Variants in FMNL2 observed in about 807,000 individuals in gnomAD.
FMNL2 encodes formin like 2, also known as formin-like protein 2.
A neutral mutation model predicts 130.2 loss-of-function variants in FMNL2; 51 were observed. The observed-to-expected ratio is 0.39, with a 90% CI of 0.31 to 0.49. The LOEUF (loss-of-function observed/expected upper bound fraction) is 0.49, where lower values mean the gene tolerates loss of function less well. FMNL2 is among the 20% of genes least tolerant of loss of function. The pLI, the probability that FMNL2 is intolerant of heterozygous loss-of-function variation, is 0.85. For missense variants in FMNL2, 977 were observed against 1,316.2 expected, an observed-to-expected ratio of 0.74 and a Z score of 3.99; for synonymous variants, 465 against 467.1, an observed-to-expected ratio of 1.00 and a Z score of 0.06.
intron 1 of FMNL2, among the ~76,000 whole-genome samples, chr2:152,357,327 T>C (rs375823708): frequency 9.8e-6 from 1 of 101,960 alleles, no homozygotes; most frequent in African/African-American, 3.9e-5. Flanking sequence ...TCACGATAAA[T>C]ATTAAATCAG....
At chr2:152,569,942 CAG>C (rs1397922193) in intron 6 of FMNL2, among the ~76,000 whole-genome samples, 4 of 150,546 alleles carry the variant, frequency 2.7e-5, no homozygotes, top group Admixed American at 1.3e-4. Context: ...ACCCACGAGA[CAG>C]AGGTTGCAGT....
chr2:152,452,419 A>AG (rs1342404174), intron 1 of FMNL2, among the ~76,000 whole-genome samples: 2 of 152,188 alleles, frequency 1.3e-5, no homozygotes, highest in East Asian at 3.8e-4. Context: ...CGCCATTGGA[A>AG]GTCTAGTCAG....
At chr2:152,474,882 G>T (rs1690062658) in intron 1 of FMNL2, among the ~76,000 whole-genome samples, 1 of 152,162 alleles carries the variant, frequency 6.6e-6, no homozygotes, top group Non-Finnish European at 1.5e-5. Context: ...GCCGTTTAAA[G>T]GCATAATGTT....
chr2:152,444,057 G>A lies in FMNL2; in HGVS notation c.118-77886G>A, dbSNP rs187718468. Among the ~76,000 whole-genome samples the A allele has an allele frequency of 2.2e-3, 337 of 152,280 alleles. 5 individuals carry two copies. The highest frequency in any genetic ancestry group is 7.5e-3 in the African/African-American group (310 of 41,550). On this transcript the variant is annotated intron_variant, in intron 1 of 25. Coordinates refer to ENST00000288670, the MANE Select transcript of FMNL2 (RefSeq NM_052905.4). ...GACTGAGATTTTCTTCCAGTGGCTT[G>A]GAAGAAGCAGAAGGCAGCCAGCAAT... is the stretch of plus-strand genomic sequence containing the variant.
At position 152,619,196 on chromosome 2, in the gene FMNL2, A is replaced by G. The variant is rs971199122; in HGVS notation, c.1627+38A>G. The G allele has an allele frequency of 2.0e-6, 3 of 1,515,500 alleles. 1 individual carries two copies. The African/African-American group carries it at 4.2e-5, about 21-fold the overall frequency. 93.9% of individuals were successfully genotyped at this position (1,515,500 alleles called of 1,614,324 possible). A position where few individuals can be genotyped will look rare whatever the true frequency, so the allele number is the denominator to read the frequency against. On this transcript the variant is annotated intron_variant, in intron 14 of 25. Transcript: ENST00000288670. ...GGCAGGAGGACTGAGGAAGTTTTGG[A>G]ATATTTGTATTTCTTCTTTTGCCAA... is the stretch of plus-strand genomic sequence containing the variant.
chr2:152,500,768 A>G (rs965679642), intron 1 of FMNL2, among the ~76,000 whole-genome samples: 9 of 152,182 alleles, frequency 5.9e-5, no homozygotes, highest in African/African-American at 2.2e-4. Flanking sequence ...GAATCACTTG[A>G]ACCCCAGCGA....
At chr2:152,376,173 G>T (rs112922605) in intron 1 of FMNL2, among the ~76,000 whole-genome samples, 1 of 152,082 alleles carries the variant, frequency 6.6e-6, no homozygotes, top group Admixed American at 6.6e-5. Flanking sequence ...GGGATTACAG[G>T]CATGAGCCAC....
intron 1 of FMNL2, among the ~76,000 whole-genome samples, chr2:152,357,117 T>C (rs551819946): frequency 3.8e-5 from 5 of 130,828 alleles, no homozygotes; most frequent in Non-Finnish European, 4.7e-5. Context: ...TCACGATAAA[T>C]ATTACATCAG....
At chr2:152,642,674 G>A (rs1285216293) in intron 25 of FMNL2, among the ~76,000 whole-genome samples, 1 of 152,206 alleles carries the variant, frequency 6.6e-6, no homozygotes, top group Non-Finnish European at 1.5e-5. Flanking sequence ...ATAAAATGAA[G>A]TTGTAGTTAG....
chr2:152,586,522 A>G (rs980620689), intron 9 of FMNL2, among the ~76,000 whole-genome samples: 1 of 152,196 alleles, frequency 6.6e-6, no homozygotes, highest in Admixed American at 6.5e-5. Context: ...ATTTGAGGGT[A>G]TAGGATTGTA....
At chr2:152,619,269 A>G in intron 14 of FMNL2, 111 bp downstream of exon 14, 1 of 1,385,574 alleles carries the variant, frequency 7.2e-7, no homozygotes, top group Non-Finnish European at 9.6e-7. Flanking sequence ...GTTCTTTAAG[A>G]ATTGGTTTTC....
intron 1 of FMNL2, among the ~76,000 whole-genome samples, chr2:152,408,101 G>T (rs76519354): frequency 0.066 from 10,073 of 152,212 alleles, 575 homozygotes; most frequent in Admixed American, 0.2. Context: ...GTGGATTAGT[G>T]TTGTTCCCAG....
chr2:152,546,393 A>G lies in FMNL2; in HGVS notation c.283-2628A>G, dbSNP rs114287228. On this transcript the variant is annotated intron_variant, in intron 3 of 25. Coordinates refer to ENST00000288670, the MANE Select transcript of FMNL2 (RefSeq NM_052905.4). ...ACATGGTGAGCAAGAGGGAGGAGGT[A>G]CCAGCCTCTCTTAAACAGCCAGATC... Among the ~76,000 whole-genome samples, 1,416 of 152,082 alleles carry G rather than the reference A, an allele frequency of 9.3e-3. 22 individuals carry two copies. Among genetic ancestry groups the G allele is most frequent in the African/African-American group, 0.032 (1,330 of 41,468 alleles).
At chr2:152,643,940 T>C (rs1334750061) in intron 25 of FMNL2, 6 of 968,894 alleles carry the variant, frequency 6.2e-6, no homozygotes, top group Non-Finnish European at 7.4e-6. Context: ...AAGAACTTAC[T>C]GTGTTCAGGT....
At chr2:152,457,878 A>G (rs577926170) in intron 1 of FMNL2, among the ~76,000 whole-genome samples, 2 of 152,134 alleles carry the variant, frequency 1.3e-5, no homozygotes, top group East Asian at 3.9e-4. Flanking sequence ...CCCTTCCTCC[A>G]TATTCAATGC....
intron 7 of FMNL2, 68 bp downstream of exon 7, chr2:152,575,312 T>TGTACACTGCACCCA: frequency 9.8e-7 from 1 of 1,020,580 alleles, no homozygotes; most frequent in Non-Finnish European, 1.5e-6. Flanking sequence ...GACTGCTGGG[T>TGTACACTGCACCCA]GCAGTGTACA....
At chr2:152,398,856 C>A (rs1247488494) in intron 1 of FMNL2, among the ~76,000 whole-genome samples, 1 of 152,150 alleles carries the variant, frequency 6.6e-6, no homozygotes, top group East Asian at 1.9e-4. Context: ...AAAGGGTGAA[C>A]ATGACCAGAT....
intron 1 of FMNL2, among the ~76,000 whole-genome samples, chr2:152,483,555 T>C (rs772188687): frequency 6.6e-6 from 1 of 152,156 alleles, no homozygotes; most frequent in African/African-American, 2.4e-5. Flanking sequence ...TATGAGCCCT[T>C]AAAAAAATGT....
At position 152,648,038 on chromosome 2, in the gene FMNL2, G is replaced by C; in HGVS notation, c.*133G>C. 1 of 745,740 alleles carries C rather than the reference G, an allele frequency of 1.3e-6. No homozygotes were observed. The highest frequency in any genetic ancestry group is 2.1e-6 in the Non-Finnish European group (1 of 468,892). The allele number at this position is 745,740 out of a possible 1,614,324, so 46.2% of individuals were successfully genotyped here. On this transcript the variant is annotated 3_prime_UTR_variant, in exon 26 of 26. Transcript: ENST00000288670. ...TTAAGGGCTCAGATTTAGCAAACAC[G>C]GAAGAATTTTAAAATGAGCTCTCCT... is the stretch of plus-strand genomic sequence containing the variant.
Sources: gnomAD v4.1 joint callset for allele counts (sites outside exome capture counted in the v4.1 genomes callset) on GRCh38, gnomAD v4.1.1 for gene constraint, MANE v1.5 for transcripts, NCBI Gene and HGNC (gene_info 2026-07-23, HGNC 2026-07-21) for gene names.